Variants in RBFOX3 observed in about 807,000 individuals in gnomAD.
The protein encoded by RBFOX3 is RNA binding fox-1 homolog 3.
In RBFOX3, 17 loss-of-function variants were observed where a neutral mutation model predicts 48.7. The ratio of observed to expected loss-of-function variants is 0.35; its 90% CI spans 0.24 to 0.52. RBFOX3 has a LOEUF of 0.52. RBFOX3 is among the 20% of genes least tolerant of loss of function. The probability of loss-of-function intolerance (pLI) is 0.94; values close to 1 mark genes in which losing one functional copy is unlikely to be tolerated. For missense variants in RBFOX3, 382 were observed against 497.5 expected, an observed-to-expected ratio of 0.77 and a Z score of 2.21; for synonymous variants, 212 against 209.5, an observed-to-expected ratio of 1.01 and a Z score of -0.10.
intron 4 of RBFOX3, among the ~76,000 whole-genome samples, chr17:79,138,672 A>ACC (rs138226007): frequency 0.012 from 252 of 21,152 alleles, no homozygotes; most frequent in Middle Eastern, 0.061. Flanking sequence ...ATGCATTCAC[A>ACC]CCCTCACCCA....
At chr17:79,322,150 G>A (rs140256007) in intron 2 of RBFOX3, among the ~76,000 whole-genome samples, 4 of 152,334 alleles carry the variant, frequency 2.6e-5, no homozygotes, top group African/African-American at 7.2e-5. Flanking sequence ...GTGATGAGGA[G>A]GGGCAAGAGG....
At chr17:79,124,341 G>A (rs965555317) in intron 4 of RBFOX3, among the ~76,000 whole-genome samples, 11 of 152,322 alleles carry the variant, frequency 7.2e-5, no homozygotes, top group Middle Eastern at 3.4e-3. Flanking sequence ...AGGCCTGAAC[G>A]TGTGGCAGAT....
At chr17:79,567,432 G>A (rs952203689) in intron 1 of RBFOX3, among the ~76,000 whole-genome samples, 14 of 152,090 alleles carry the variant, frequency 9.2e-5, no homozygotes, top group Non-Finnish European at 1.6e-4. Flanking sequence ...TGATCTGCCC[G>A]CCTTGGCCTT....
the RBFOX3 span, among the ~76,000 whole-genome samples, chr17:79,659,791 G>A: frequency 6.6e-6 from 1 of 152,160 alleles, no homozygotes; most frequent in Non-Finnish European, 1.5e-5. Context: ...CCACTGAGAT[G>A]GAGAAATAGA....
At chr17:79,537,133 C>A (rs537008053) in intron 1 of RBFOX3, among the ~76,000 whole-genome samples, 68 of 149,250 alleles carry the variant, frequency 4.6e-4, no homozygotes, top group Middle Eastern at 6.8e-3. Context: ...AAAAAAAAAC[C>A]AAAAAAGCAA....
intron 1 of RBFOX3, among the ~76,000 whole-genome samples, chr17:79,543,066 A>ACAACCC (rs1247776990): frequency 6.6e-6 from 1 of 152,130 alleles, no homozygotes; most frequent in East Asian, 1.9e-4. Context: ...CCTCACAACC[A>ACAACCC]CAACCCCAAG....
At chr17:79,365,166 C>T (rs143775878) in intron 2 of RBFOX3, among the ~76,000 whole-genome samples, 6 of 152,090 alleles carry the variant, frequency 3.9e-5, no homozygotes, top group Non-Finnish European at 7.4e-5. Context: ...CACATGCACA[C>T]GGTATTTCTG....
At chr17:79,192,313 T>TG (rs769121190) in intron 4 of RBFOX3, among the ~76,000 whole-genome samples, 42 of 152,108 alleles carry the variant, frequency 2.8e-4, no homozygotes, top group Admixed American at 2.4e-3. Context: ...TGCATCAGGA[T>TG]GGGGGGGAGC....
intron 1 of RBFOX3, among the ~76,000 whole-genome samples, chr17:79,606,091 C>T (rs2093823936): frequency 6.6e-6 from 1 of 152,160 alleles, no homozygotes; most frequent in Non-Finnish European, 1.5e-5. Context: ...GGGGCAGCAG[C>T]AGTGAGAAGG....
chr17:79,178,949 G>A (rs1042210799), intron 4 of RBFOX3, among the ~76,000 whole-genome samples: 7 of 152,200 alleles, frequency 4.6e-5, no homozygotes, highest in Admixed American at 2.6e-4. Flanking sequence ...ACGAGCTGCT[G>A]TTCAGTGCCC....
intron 4 of RBFOX3, among the ~76,000 whole-genome samples, chr17:79,206,130 C>T (rs1045368205): frequency 7.2e-5 from 11 of 152,112 alleles, no homozygotes; most frequent in African/African-American, 2.7e-4. Context: ...CAGCTTGCCA[C>T]GTCAATGAAA....
chr17:79,237,967 C>T (rs1475748806), intron 3 of RBFOX3, among the ~76,000 whole-genome samples: 3 of 152,196 alleles, frequency 2.0e-5, no homozygotes, highest in African/African-American at 2.4e-5. Context: ...GACAGACTCT[C>T]GCTCTGTTGC....
intron 1 of RBFOX3, among the ~76,000 whole-genome samples, chr17:79,561,639 A>G (rs2092225710): frequency 6.6e-6 from 1 of 152,158 alleles, no homozygotes; most frequent in Admixed American, 6.5e-5. Context: ...AGACCCCTCG[A>G]GGCAAGCACC....
At chr17:79,190,855 C>T (rs537464611) in intron 4 of RBFOX3, among the ~76,000 whole-genome samples, 42 of 152,188 alleles carry the variant, frequency 2.8e-4, no homozygotes, top group Non-Finnish European at 6.0e-4. Flanking sequence ...GCTGAGTGAG[C>T]ACAGCTCTTG....
intron 3 of RBFOX3, among the ~76,000 whole-genome samples, chr17:79,257,492 A>G (rs1004443766): frequency 2.0e-5 from 3 of 152,242 alleles, no homozygotes; most frequent in African/African-American, 7.2e-5. Flanking sequence ...GCAGACCAGG[A>G]AGCTGCTCAC....
At chr17:79,554,143 A>C (rs1461821834) in intron 1 of RBFOX3, among the ~76,000 whole-genome samples, 1 of 152,128 alleles carries the variant, frequency 6.6e-6, no homozygotes, top group Non-Finnish European at 1.5e-5. Context: ...GCCCATTATT[A>C]TTATATTAGT....
At chr17:79,323,451 T>C (rs576721865) in intron 2 of RBFOX3, among the ~76,000 whole-genome samples, 107 of 152,164 alleles carry the variant, frequency 7.0e-4, no homozygotes, top group Admixed American at 4.4e-3. Context: ...TTGCGAGAGG[T>C]CCACTGTTTT....
At chr17:79,642,569 T>A in the RBFOX3 span, among the ~76,000 whole-genome samples, 43 of 152,268 alleles carry the variant, frequency 2.8e-4, no homozygotes, top group Admixed American at 2.8e-3. Flanking sequence ...AATTTAATGA[T>A]CTCTCTCACT....
intron 4 of RBFOX3, among the ~76,000 whole-genome samples, chr17:79,130,471 C>A (rs2038555719): frequency 1.3e-5 from 2 of 152,256 alleles, no homozygotes; most frequent in Admixed American, 1.3e-4. Context: ...ACAGGCTGGG[C>A]CGCTGTGGTC....
Sources: gnomAD v4.1 joint callset for allele counts (sites outside exome capture counted in the v4.1 genomes callset) on GRCh38, gnomAD v4.1.1 for gene constraint, MANE v1.5 for transcripts, NCBI Gene and HGNC (gene_info 2026-07-23, HGNC 2026-07-21) for gene names.